Variants in IL9R observed in about 807,000 individuals in gnomAD.
IL9R encodes the protein interleukin-9 receptor.
IL9R carries 54 observed loss-of-function variants against 56.3 expected under a neutral mutation model. The ratio of observed to expected loss-of-function variants is 0.96; its 90% CI spans 0.77 to 1.20. The LOEUF (loss-of-function observed/expected upper bound fraction) is 1.20. Ranked by LOEUF, IL9R falls within the 50% of genes most tolerant of loss-of-function variation. The pLI, the probability that IL9R is intolerant of heterozygous loss-of-function variation, is 0.00. For synonymous variants in IL9R, 212 were observed against 250.2 expected, an observed-to-expected ratio of 0.85 and a Z score of 1.44; for missense variants, 545 against 629.8, an observed-to-expected ratio of 0.87 and a Z score of 1.44.
intron 1 of IL9R, among the ~76,000 whole-genome samples, chrX:155,999,755 CT>C (rs2067386328): frequency 6.6e-6 from 1 of 152,132 alleles, no homozygotes; most frequent in African/African-American, 2.4e-5. Context: ...CAGGTGTCCA[CT>C]TCAATAGTAA....
Position 156,003,030 on chromosome X carries a change from G to T in IL9R, c.142+11G>T. 6.2e-7 allele frequency: 1 copy of T among 1,613,754 alleles called. No individual in the cohort carries two copies. Among genetic ancestry groups the T allele is most frequent in the Non-Finnish European group, 8.5e-7 (1 of 1,179,824 alleles). ...CAGGGGAAGGACAAGGTGAGGGCTG[G>T]GCACTAATGTCTGTATGAGGTGGGT... is the stretch of plus-strand genomic sequence containing the variant. On this transcript the variant is annotated intron_variant, in intron 2 of 8. Transcript: ENST00000244174.
chrX:156,004,632 C>T (rs2067786442), intron 5 of IL9R, 67 bp downstream of exon 5: 1 of 1,492,482 alleles, frequency 6.7e-7, no homozygotes, highest in Non-Finnish European at 9.3e-7. Context: ...GTAGACTCCC[C>T]ACTCTACATA....
Position 156,004,733 on chromosome X carries a change from T to C in IL9R, c.579+168T>C, listed in dbSNP as rs185712579. 7.0e-3 allele frequency among the ~76,000 whole-genome samples: 1,060 copies of C among 152,208 alleles called. 15 individuals carry two copies. The highest frequency in any genetic ancestry group is 0.024 in the African/African-American group (1,007 of 41,514). ...TGCTGGCATGCAGATGTGTATGCTT[T>C]ATGTGTGTGTATGGGAGTAGGGTGA... On this transcript the variant is annotated intron_variant, in intron 5 of 8. Coordinates refer to ENST00000244174, the MANE Select transcript of IL9R (RefSeq NM_002186.3).
At chrX:155,999,058 C>T (rs2067330951) in intron 1 of IL9R, among the ~76,000 whole-genome samples, 1 of 152,054 alleles carries the variant, frequency 6.6e-6, no homozygotes, top group African/African-American at 2.4e-5. Context: ...AGGAGAGTTG[C>T]CTGTGCTCAG....
At chrX:156,007,478 C>T (rs774574806) in intron 7 of IL9R, 45 bp from the exon 8 acceptor site, 3 of 904,344 alleles carry the variant, frequency 3.3e-6, no homozygotes, top group South Asian at 2.8e-5. Context: ...GACCTCAGGC[C>T]ACCTGGGTCG....
At chrX:155,997,884 C>T in intron 1 of IL9R, 97 bp downstream of exon 1, 3 of 1,182,500 alleles carry the variant, frequency 2.5e-6, no homozygotes, top group Non-Finnish European at 3.8e-6. Flanking sequence ...GCCCAGGGAG[C>T]CACTGTGGCA....
Position 156,003,788 on chromosome X carries a change from C to A in IL9R, c.366C>A (p.Phe122Leu). 1 of 1,613,770 alleles carries A rather than the reference C, an allele frequency of 6.2e-7. No homozygotes were observed. Among genetic ancestry groups the A allele is most frequent in the Non-Finnish European group, 8.5e-7 (1 of 1,179,638 alleles). The part of the protein sequence containing the change: ...LVPSDNFTIT[F>L]HHCMSGREQV... Reference sequence around the variant, plus strand: ...CATCTGACAATTTCACCATCACTTTCCACCACTGCATGTCTGGGAGGGAGC... The same window carrying A: ...CATCTGACAATTTCACCATCACTTTACACCACTGCATGTCTGGGAGGGAGC... Residue 122 changes from phenylalanine to leucine, a missense_variant, in exon 4 of 9, where the codon TTC becomes TTA. This residue lies in a region of IL9R where 431 missense variants were observed against 360.0 expected (regional missense o/e 1.20). Coordinates refer to ENST00000244174, the MANE Select transcript of IL9R (RefSeq NM_002186.3).
chrX:156,003,674 C>A lies in IL9R; in HGVS notation c.255-3C>A. On this transcript the variant is annotated splice_polypyrimidine_tract_variant and splice_region_variant and intron_variant, in intron 3 of 8. Coordinates refer to ENST00000244174, the MANE Select transcript of IL9R (RefSeq NM_002186.3). ...CCGTGGTGCTGACAAATGCCCTTTCCAGCAACCAGGCTCCTGGCGGCACAC... is the reference window on the plus strand; with the variant it reads ...CCGTGGTGCTGACAAATGCCCTTTCAAGCAACCAGGCTCCTGGCGGCACAC... The A allele has an allele frequency of 6.2e-7, 1 of 1,612,666 alleles. No individual in the cohort carries two copies. The highest frequency in any genetic ancestry group is 8.5e-7 in the Non-Finnish European group (1 of 1,179,258).
intron 8 of IL9R, among the ~76,000 whole-genome samples, chrX:156,009,260 G>GTATGTC (rs2068291240): frequency 1.4e-4 from 12 of 86,690 alleles, no homozygotes; most frequent in Admixed American, 2.4e-4. Flanking sequence ...GTCTGTGTGT[G>GTATGTC]TGTGTTTGTG....
At chrX:156,000,659 G>C (rs2067457492) in intron 1 of IL9R, among the ~76,000 whole-genome samples, 1 of 152,170 alleles carries the variant, frequency 6.6e-6, no homozygotes, top group African/African-American at 2.4e-5. Context: ...AGGCTTCCCT[G>C]GTGACATTCA....
At chrX:156,000,145 A>AT (rs1556394100) in intron 1 of IL9R, among the ~76,000 whole-genome samples, 1,499 of 144,238 alleles carry the variant, frequency 0.01, 31 homozygotes, top group South Asian at 0.093. Context: ...AAAAAAAAAA[A>AT]ATATATATAT....
chrX:156,006,326 T>C (rs2067951103), intron 7 of IL9R, 138 bp downstream of exon 7: 2 of 623,878 alleles, frequency 3.2e-6, no homozygotes, highest in Non-Finnish European at 5.7e-6. Context: ...CCTTGTCTGG[T>C]TCCTCCCCTC....
rs775011438 is a variant in IL9R, at chrX:156,002,972, TCTGCAC to T, written c.99_104del (p.Thr34_Cys35del). On this transcript the variant is annotated inframe_deletion, in exon 2 of 9. Transcript: ENST00000244174. ...ACCTGGCTCCTGGCCTGCATCTGCATCTGCACCTGTGTCTGCTTGGGAGTCTCTGTC... is the reference window on the plus strand; with the variant it reads ...ACCTGGCTCCTGGCCTGCATCTGCATCTGTGTCTGCTTGGGAGTCTCTGTC... The T allele has an allele frequency of 6.2e-7, 1 of 1,613,864 alleles. No individual in the cohort carries two copies. The highest frequency in any genetic ancestry group is 8.5e-7 in the Non-Finnish European group (1 of 1,179,844).
chrX:156,001,370 G>T, intron 1 of IL9R: 1 of 1,366,798 alleles, frequency 7.3e-7, no homozygotes, highest in Non-Finnish European at 1.0e-6. Context: ...CATATCCCAA[G>T]AGCAGGCTGA....
Position 156,003,833 on chromosome X carries a change from G to A in IL9R, c.411G>A (p.Pro137=), listed in dbSNP as rs751683555. Reference sequence around the variant, plus strand: ...GGGAGCAGGTCAGCCTGGTGGACCCGGAGTACCTGCCCCGGAGACACGGTG... The same window carrying A: ...GGGAGCAGGTCAGCCTGGTGGACCCAGAGTACCTGCCCCGGAGACACGGTG... The part of the protein sequence containing the change: ...SGREQVSLVD[P]EYLPRRHVKL... Residue 137 remains proline, a synonymous_variant, in exon 4 of 9, where the codon CCG becomes CCA. Coordinates refer to ENST00000244174, the MANE Select transcript of IL9R (RefSeq NM_002186.3). 1.2e-5 allele frequency: 20 copies of A among 1,613,822 alleles called. No homozygotes were observed. Among genetic ancestry groups the A allele is most frequent in the East Asian group, 1.1e-4 (5 of 44,882 alleles).
intron 7 of IL9R, among the ~76,000 whole-genome samples, chrX:156,006,660 T>C (rs1461838953): frequency 6.6e-6 from 1 of 151,960 alleles, no homozygotes; most frequent in Non-Finnish European, 1.5e-5. Flanking sequence ...TCACGCCTCA[T>C]GCACCACATG....
rs768370885 is a variant in IL9R, at chrX:156,003,802, C to T, written c.380C>T (p.Ser127Phe). 9 of 1,613,894 alleles carry T rather than the reference C, an allele frequency of 5.6e-6. No homozygotes were observed. The highest frequency in any genetic ancestry group is 4.4e-5 in the South Asian group (4 of 91,072). The change falls in exon 4 of 9, where the codon TCT becomes TTT. Residue 127 changes from serine (S) to phenylalanine (F), a missense_variant. Ser to Phe is a radical substitution (Grantham distance 155, BLOSUM62 -2). This residue lies in a region of IL9R where 431 missense variants were observed against 360.0 expected (regional missense o/e 1.20). Transcript: ENST00000244174. ...ACCATCACTTTCCACCACTGCATGT[C>T]TGGGAGGGAGCAGGTCAGCCTGGTG... The part of the protein sequence containing the change: ...NFTITFHHCM[S>F]GREQVSLVDP...
At chrX:156,008,501 G>C (rs1377927238) in intron 8 of IL9R, among the ~76,000 whole-genome samples, 1 of 152,180 alleles carries the variant, frequency 6.6e-6, no homozygotes, top group African/African-American at 2.4e-5. Flanking sequence ...TTTCCCCAAG[G>C]TGGTAGATGT....
In IL9R at chrX:156,002,945, G is replaced by T; in HGVS notation, c.68G>T (p.Gly23Val). ...LESEALRRDM[G>V]TWLLACICIC... ...AGTGAGGCCCTGAGGCGAGACATGG[G>T]CACCTGGCTCCTGGCCTGCATCTGC... The change falls in exon 2 of 9, where the codon GGC becomes GTC. Residue 23 changes from glycine to valine, a missense_variant. Physicochemically the swap from Gly to Val is moderately radical, Grantham distance 109. Coordinates refer to ENST00000244174, the MANE Select transcript of IL9R (RefSeq NM_002186.3). 6.2e-7 allele frequency: 1 copy of T among 1,613,914 alleles called. No homozygotes were observed. Among genetic ancestry groups the T allele is most frequent in the Non-Finnish European group, 8.5e-7 (1 of 1,179,838 alleles).
Sources: allele counts gnomAD v4.1 joint callset (sites outside exome capture counted in the v4.1 genomes callset), GRCh38; gene constraint gnomAD v4.1.1; regional missense constraint gnomAD v4.1.1; transcripts MANE v1.5; gene names NCBI Gene and HGNC (gene_info 2026-07-23, HGNC 2026-07-21).